Variants in LASP1 observed in about 807,000 individuals in gnomAD.
LASP1 encodes the protein LIM and SH3 domain protein 1.
LASP1 carries 10 observed loss-of-function variants against 38.6 expected under a neutral mutation model. That is an observed-to-expected ratio of 0.26 (90% confidence interval 0.16 to 0.44). LASP1 has a LOEUF of 0.44. LASP1 is among the 20% of genes least tolerant of loss of function. The pLI, the probability that LASP1 is intolerant of heterozygous loss-of-function variation, is 1.00. For synonymous variants in LASP1, 132 were observed against 140.8 expected, an observed-to-expected ratio of 0.94 and a Z score of 0.44; for missense variants, 243 against 375.7, an observed-to-expected ratio of 0.65 and a Z score of 2.92.
chr17:38,921,509 AACAG>A lies in LASP1; in HGVS notation c.*2733_*2736del, dbSNP rs946628470. On this transcript the variant is annotated 3_prime_UTR_variant, in exon 7 of 7. Coordinates refer to ENST00000318008, the MANE Select transcript of LASP1 (RefSeq NM_006148.4). ...CCCTACAAACCTGTATTTAAAAAGAAACAGAAATGACCACGTGAAATTTGCCTCT... is the reference window on the plus strand; with the variant it reads ...CCCTACAAACCTGTATTTAAAAAGAAAAATGACCACGTGAAATTTGCCTCT... 5 of 232,740 alleles carry A rather than the reference AACAG, an allele frequency of 2.1e-5. No individual in the cohort carries two copies. The Admixed American group carries it at 2.8e-4, about 13-fold the overall frequency. The allele number at this position is 232,740 out of a possible 1,614,324, so 14.4% of individuals were successfully genotyped here.
rs145575650 is a variant in LASP1 at position 38,885,619 on chromosome 17, A to C, written c.165-4801A>C. Reference sequence around the variant, plus strand: ...GGGACAAAGGACAGCTGTGCTCTGGACTCTGCCCTGCACCCAGCTGATCAC... The same window carrying C: ...GGGACAAAGGACAGCTGTGCTCTGGCCTCTGCCCTGCACCCAGCTGATCAC... On this transcript the variant is annotated intron_variant, in intron 2 of 6. Transcript: ENST00000318008. 9.3e-4 allele frequency among the ~76,000 whole-genome samples: 130 copies of C among 140,006 alleles called. 2 individuals carry two copies. In the East Asian group the frequency reaches 0.013, roughly 14 times the overall value. The allele number at this position is 140,006 out of a possible 152,430, so 91.8% of individuals were successfully genotyped here.
At chr17:38,896,120 AGCCCT>A (rs1914484057) in intron 3 of LASP1, among the ~76,000 whole-genome samples, 2 of 71,990 alleles carry the variant, frequency 2.8e-5, no homozygotes, top group Non-Finnish European at 8.6e-5. Flanking sequence ...GCAAGAAGGG[AGCCCT>A]GAAGAGGGGC....
intron 3 of LASP1, chr17:38,896,958 T>C: frequency 1.0e-6 from 1 of 985,456 alleles, no homozygotes; most frequent in Non-Finnish European, 1.2e-6. Context: ...TGGAGCTACA[T>C]TTCTCTGCCT....
intron 4 of LASP1, among the ~76,000 whole-genome samples, chr17:38,913,985 G>A (rs1326735314): frequency 1.3e-5 from 2 of 149,080 alleles, no homozygotes; most frequent in African/African-American, 4.9e-5. Context: ...CTGGGCGACA[G>A]AGCCAAACTC....
chr17:38,872,090 T>C (rs1913625922), intron 1 of LASP1, among the ~76,000 whole-genome samples: 1 of 151,952 alleles, frequency 6.6e-6, no homozygotes, highest in Admixed American at 6.5e-5. Flanking sequence ...ACTCCAGGAG[T>C]TGGGAAACTG....
rs1207044595 is a variant in LASP1, at chr17:38,919,693, G to A, written c.*915G>A. 1 of 357,788 alleles carries A rather than the reference G, an allele frequency of 2.8e-6. No individual in the cohort carries two copies. The highest frequency in any genetic ancestry group is 5.4e-6 in the Non-Finnish European group (1 of 186,318). 22.2% of individuals were successfully genotyped at this position (357,788 alleles called of 1,614,324 possible). ...TCAGCCCCCAGGATCTGGGTTAGGT[G>A]GCCGCTCCTCCCTGCTCCTCATGGG... On this transcript the variant is annotated 3_prime_UTR_variant, in exon 7 of 7. Transcript: ENST00000318008.
chr17:38,884,390 T>A (rs971811826), intron 2 of LASP1, among the ~76,000 whole-genome samples: 21 of 148,234 alleles, frequency 1.4e-4, no homozygotes, highest in Middle Eastern at 3.5e-3. Flanking sequence ...TTTTTTTTTT[T>A]AATTTTTATT....
chr17:38,915,330 G>A lies in LASP1; in HGVS notation c.612+184G>A, dbSNP rs191958073. 3.3e-4 allele frequency: 177 copies of A among 541,094 alleles called. No homozygotes were observed. In the East Asian group the frequency reaches 5.4e-3, roughly 16 times the overall value. 33.5% of individuals were successfully genotyped at this position (541,094 alleles called of 1,614,324 possible). Reference sequence around the variant, plus strand: ...AGTGGGCAGAGGCTGGCTGGGACTGGGGCCCTGCGTTCCAGCCCTGGTGTA... The same window carrying A: ...AGTGGGCAGAGGCTGGCTGGGACTGAGGCCCTGCGTTCCAGCCCTGGTGTA... On this transcript the variant is annotated intron_variant, in intron 6 of 6. Transcript: ENST00000318008.
At chr17:38,915,390 G>A in intron 6 of LASP1, 1 of 378,852 alleles carries the variant, frequency 2.6e-6, no homozygotes, top group Non-Finnish European at 4.8e-6. Context: ...TTTGGGTGGG[G>A]TTTCCTTACC....
intron 2 of LASP1, among the ~76,000 whole-genome samples, chr17:38,880,344 G>A (rs1913907241): frequency 6.6e-6 from 1 of 152,198 alleles, no homozygotes; most frequent in Non-Finnish European, 1.5e-5. Context: ...TGTTTTTACT[G>A]TCTTCTTGGG....
At chr17:38,911,307 G>A (rs1159806988) in intron 4 of LASP1, among the ~76,000 whole-genome samples, 1 of 152,186 alleles carries the variant, frequency 6.6e-6, no homozygotes. Context: ...AAGGATGAGA[G>A]AAGCCTGGAC....
chr17:38,913,225 G>T (rs1304539678), intron 4 of LASP1, among the ~76,000 whole-genome samples: 1 of 152,214 alleles, frequency 6.6e-6, no homozygotes, highest in Non-Finnish European at 1.5e-5. Flanking sequence ...TGACTTGAAG[G>T]CTTGGAGCCT....
chr17:38,878,475 A>G (rs1326877341), intron 2 of LASP1, among the ~76,000 whole-genome samples: 1 of 152,154 alleles, frequency 6.6e-6, no homozygotes, highest in East Asian at 1.9e-4. Flanking sequence ...CTCTAACCCA[A>G]TTTCGGGCAG....
At chr17:38,899,747 C>CTTTTT (rs34397105) in intron 4 of LASP1, among the ~76,000 whole-genome samples, 1 of 136,132 alleles carries the variant, frequency 7.3e-6, no homozygotes, top group African/African-American at 2.7e-5. Flanking sequence ...GCGTTCAGAT[C>CTTTTT]TTTTTTTTTT....
At chr17:38,908,773 G>A (rs973439156) in intron 4 of LASP1, among the ~76,000 whole-genome samples, 1 of 152,266 alleles carries the variant, frequency 6.6e-6, no homozygotes, top group Middle Eastern at 3.2e-3. Context: ...TCAGCCAGCA[G>A]GAGCAGCAAC....
At chr17:38,885,743 A>T (rs928351471) in intron 2 of LASP1, among the ~76,000 whole-genome samples, 6 of 152,142 alleles carry the variant, frequency 3.9e-5, no homozygotes, top group Non-Finnish European at 8.8e-5. Flanking sequence ...CTTAGCACCC[A>T]TGTTGGCATG....
Position 38,918,574 on chromosome 17 carries a change from G to A in LASP1, c.613-31G>A. The A allele has an allele frequency of 6.5e-7, 1 of 1,541,990 alleles. No homozygotes were observed. Among genetic ancestry groups the A allele is most frequent in the African/African-American group, 1.4e-5 (1 of 73,094 alleles). The stretch of plus-strand genomic sequence containing the variant: ...TCAGACCCAGGTGAGCCGGCATGCA[G>A]GGCCCTAGGCTGACCACACTTCCCC... On this transcript the variant is annotated intron_variant, in intron 6 of 6. Transcript: ENST00000318008. This position sits in a 1 kb window ranked among gnomAD's most constrained non-coding sequence, Gnocchi z 4.4.
At chr17:38,877,977 C>A in intron 1 of LASP1, 109 bp from the exon 2 acceptor site, 1 of 764,628 alleles carries the variant, frequency 1.3e-6, no homozygotes, top group Non-Finnish European at 2.3e-6. Context: ...TCCCCACAGC[C>A]ATGGGCCTAG....
chr17:38,889,154 G>GT (rs1914230300), intron 2 of LASP1, among the ~76,000 whole-genome samples: 1 of 152,024 alleles, frequency 6.6e-6, no homozygotes, highest in Non-Finnish European at 1.5e-5. Flanking sequence ...TTTTTGAGAC[G>GT]TAGTCTGGCT....
Sources: gnomAD v4.1 joint callset for allele counts (sites outside exome capture counted in the v4.1 genomes callset) on GRCh38, gnomAD v4.1.1 for gene constraint, Gnocchi (gnomAD v3.1) non-coding constraint, MANE v1.5 for transcripts, NCBI Gene and HGNC (gene_info 2026-07-23, HGNC 2026-07-21) for gene names.